BSPRY: variants seen among roughly 807,000 people sequenced by gnomAD.
BSPRY encodes B box and SPRY domain-containing protein.
Under a neutral mutation model 38.0 loss-of-function variants are expected in BSPRY, and 33 were observed. That is an observed-to-expected ratio of 0.87 (90% CI 0.66 to 1.16). BSPRY has a LOEUF of 1.16. Ranked by LOEUF, BSPRY falls within the 50% of genes most tolerant of loss-of-function variation. The pLI is 0.00. For synonymous variants in BSPRY, 224 were observed against 228.5 expected (o/e 0.98, Z 0.18); for missense variants, 523 against 533.2 (o/e 0.98, Z 0.19).
chr9:113,351,447 G>A (rs1421129498), intron 1 of BSPRY, among the ~76,000 whole-genome samples: 1 of 152,182 alleles, frequency 6.6e-6, no homozygotes, highest in Non-Finnish European at 1.5e-5. Flanking sequence ...TTTTTCAGAA[G>A]CCTTCTCAGT....
At chr9:113,362,174 G>GGTGTGTGTGTGTGTGT (rs10600721) in intron 3 of BSPRY, among the ~76,000 whole-genome samples, 195 bp from the exon 4 acceptor site, 7 of 141,248 alleles carry the variant, frequency 5.0e-5, no homozygotes, top group East Asian at 4.2e-4. Context: ...ATGTGTTATG[G>GGTGTGTGTGTGTGTGT]GTGTGTGTGT....
intron 2 of BSPRY, among the ~76,000 whole-genome samples, chr9:113,355,598 C>G (rs567071886): frequency 2.7e-5 from 4 of 149,278 alleles, no homozygotes; most frequent in East Asian, 4.0e-4. Context: ...TAAATAGAAG[C>G]TAGTGTGGCA....
chr9:113,361,861 T>A (rs989453611), intron 3 of BSPRY, among the ~76,000 whole-genome samples: 6 of 152,186 alleles, frequency 3.9e-5, no homozygotes, highest in Non-Finnish European at 5.9e-5. Context: ...AGGTGGCATC[T>A]GAGTCACAAG....
At position 113,370,490 on chromosome 9, in the gene BSPRY, G is replaced by A. The variant is rs1834331466; in HGVS notation, c.*348G>A. 1 of 181,550 alleles carries A rather than the reference G, an allele frequency of 5.5e-6. No homozygotes were observed. Among genetic ancestry groups the A allele is most frequent in the Admixed American group, 6.1e-5 (1 of 16,296 alleles). The allele number at this position is 181,550 out of a possible 1,614,324, so 11.2% of individuals were successfully genotyped here. On this transcript the variant is annotated 3_prime_UTR_variant, in exon 6 of 6. Coordinates refer to ENST00000374183, the MANE Select transcript of BSPRY (RefSeq NM_017688.3). This position sits in a 1 kb window ranked among gnomAD's most constrained non-coding sequence, Gnocchi z 4.8. ...AGCAAAAAAGTCCTTGCATTCAAAG[G>A]GTTGGAGATTGCTGCTTTGAGTGCT... is the stretch of plus-strand genomic sequence containing the variant.
Position 113,370,001 on chromosome 9 carries a change from A to G in BSPRY, c.1068A>G (p.Val356=). 1 of 1,614,142 alleles carries G rather than the reference A, an allele frequency of 6.2e-7. No homozygotes were observed. The highest frequency in any genetic ancestry group is 1.1e-5 in the South Asian group (1 of 91,078). The change falls in exon 6 of 6, where the codon GTA becomes GTG. Residue 356 remains valine (V), a synonymous_variant. Coordinates refer to ENST00000374183, the MANE Select transcript of BSPRY (RefSeq NM_017688.3). This position sits in a 1 kb window ranked among gnomAD's most constrained non-coding sequence, Gnocchi z 4.8. Reference sequence around the variant, plus strand: ...TGCGGGGCCCAGCCCAGCTGGGTGTAGTGCTGGACTTGCAGGTTCAGGAGC... The same window carrying G: ...TGCGGGGCCCAGCCCAGCTGGGTGTGGTGCTGGACTTGCAGGTTCAGGAGC... ...GLLRGPAQLG[V]VLDLQVQELL...
chr9:113,352,320 G>T (rs1564331961), intron 1 of BSPRY, among the ~76,000 whole-genome samples: 1 of 152,180 alleles, frequency 6.6e-6, no homozygotes, highest in Non-Finnish European at 1.5e-5. Flanking sequence ...AGTGGTGGGG[G>T]AGACAGATAC....
chr9:113,352,401 G>A (rs1833986918), intron 1 of BSPRY, among the ~76,000 whole-genome samples: 1 of 152,064 alleles, frequency 6.6e-6, no homozygotes, highest in Non-Finnish European at 1.5e-5. Context: ...ATAAAGCAAA[G>A]TAAGAGATTG....
At chr9:113,355,220 G>A (rs1215755490) in intron 2 of BSPRY, among the ~76,000 whole-genome samples, 3 of 152,176 alleles carry the variant, frequency 2.0e-5, no homozygotes, top group African/African-American at 7.2e-5. Flanking sequence ...TTTCAAGTAT[G>A]CCTATCAGGG....
intron 4 of BSPRY, among the ~76,000 whole-genome samples, chr9:113,367,166 C>G (rs959027527): frequency 5.9e-5 from 9 of 152,300 alleles, no homozygotes; most frequent in Non-Finnish European, 1.2e-4. Flanking sequence ...AATCTAGCTC[C>G]CCTTTTTAGC....
At position 113,369,714 on chromosome 9, in the gene BSPRY, G is replaced by T. The variant is rs34089316; in HGVS notation, c.781G>T (p.Ala261Ser). Residue 261 changes from alanine to serine, a missense_variant, in exon 6 of 6, where the codon GCC becomes TCC. By Grantham distance (99) the Ala-to-Ser change is moderately conservative. Coordinates refer to ENST00000374183, the MANE Select transcript of BSPRY (RefSeq NM_017688.3). ...TLTFSTKKSK[A>S]CADGPERFDH... ...GACCTTCAGCACCAAGAAGTCAAAG[G>T]CCTGTGCAGATGGCCCGGAGCGCTT... is the stretch of plus-strand genomic sequence containing the variant. 239 of 1,614,194 alleles carry T rather than the reference G, an allele frequency of 1.5e-4. 1 individual carries two copies. The South Asian group carries it at 2.3e-3, about 15-fold the overall frequency.
At chr9:113,360,060 C>T (rs1159773260) in intron 2 of BSPRY, among the ~76,000 whole-genome samples, 2 of 152,252 alleles carry the variant, frequency 1.3e-5, no homozygotes, top group East Asian at 3.9e-4. Flanking sequence ...AGGAAGTCAT[C>T]AGTTTTTTCC....
At position 113,360,622 on chromosome 9, in the gene BSPRY, C is replaced by T. The variant is rs1834136372; in HGVS notation, c.416C>T (p.Ala139Val). ...CAGGTGCATGGCGAAGAGGAGCGGG[C>T]CCACCAGAGCATCCTGACACAGCGG... ...LEQVHGEEERAHQSILTQRVH... is the reference protein window; with the variant it reads ...LEQVHGEEERVHQSILTQRVH... The change falls in exon 3 of 6, where the codon GCC becomes GTC. Residue 139 changes from alanine to valine, a missense_variant. Ala to Val is a moderately conservative substitution (Grantham distance 64, BLOSUM62 0). Transcript: ENST00000374183. 2.5e-6 allele frequency: 4 copies of T among 1,607,802 alleles called. No individual in the cohort carries two copies. The highest frequency in any genetic ancestry group is 3.4e-6 in the Non-Finnish European group (4 of 1,178,288).
At chr9:113,355,086 G>A (rs1834035630) in intron 2 of BSPRY, among the ~76,000 whole-genome samples, 1 of 152,208 alleles carries the variant, frequency 6.6e-6, no homozygotes, top group South Asian at 2.1e-4. Context: ...CGAACTCCTG[G>A]GCTTAAGCCA....
chr9:113,351,776 T>G (rs1833975965), intron 1 of BSPRY, among the ~76,000 whole-genome samples: 1 of 152,072 alleles, frequency 6.6e-6, no homozygotes, highest in Admixed American at 6.5e-5. Context: ...CGTTTCTTTC[T>G]CTTTCCTTTT....
intron 5 of BSPRY, among the ~76,000 whole-genome samples, chr9:113,368,939 C>T (rs1215052736): frequency 6.6e-6 from 1 of 152,148 alleles, no homozygotes; most frequent in Non-Finnish European, 1.5e-5. Flanking sequence ...CTTCCATTCT[C>T]CCAATGGTAG....
At chr9:113,363,926 C>T (rs192511528) in intron 4 of BSPRY, among the ~76,000 whole-genome samples, 35 of 140,564 alleles carry the variant, frequency 2.5e-4, no homozygotes, top group Admixed American at 6.6e-4. Context: ...TGATGACTCA[C>T]GCCTGTAATC....
chr9:113,358,677 G>C (rs1210461342), intron 2 of BSPRY, among the ~76,000 whole-genome samples: 2 of 152,176 alleles, frequency 1.3e-5, no homozygotes, highest in African/African-American at 2.4e-5. Flanking sequence ...GGAAAGGGAA[G>C]TTTTTCTTTT....
intron 2 of BSPRY, among the ~76,000 whole-genome samples, chr9:113,359,872 T>TAAA (rs759158777): frequency 1.4e-5 from 2 of 144,970 alleles, no homozygotes; most frequent in Non-Finnish European, 3.0e-5. Flanking sequence ...CCATCTCTAT[T>TAAA]AAAAAAAATT....
chr9:113,356,436 C>T (rs1333173961), intron 2 of BSPRY, among the ~76,000 whole-genome samples: 2 of 151,740 alleles, frequency 1.3e-5, no homozygotes, highest in Non-Finnish European at 1.5e-5. Context: ...ACCCGGGAGG[C>T]GGAGGTTGCA....
Sources: allele counts gnomAD v4.1 joint callset (sites outside exome capture counted in the v4.1 genomes callset), GRCh38; gene constraint gnomAD v4.1.1; non-coding constraint Gnocchi (gnomAD v3.1); transcripts MANE v1.5; gene names NCBI Gene and HGNC (gene_info 2026-07-23, HGNC 2026-07-21).